Variants in NAPB observed in about 807,000 individuals in gnomAD.
NAPB encodes beta-soluble NSF attachment protein.
Under a neutral mutation model 44.7 loss-of-function variants are expected in NAPB, and 26 were observed. The ratio of observed to expected loss-of-function variants is 0.58; its 90% confidence interval spans 0.43 to 0.81. The LOEUF is 0.81. NAPB is among the 30% of genes least tolerant of loss of function. The pLI, the probability that NAPB is intolerant of heterozygous loss-of-function variation, is 0.00. For synonymous variants in NAPB, 120 were observed against 116.8 expected (o/e 1.03, Z -0.18); for missense variants, 315 against 356.4 (o/e 0.88, Z 0.94).
chr20:23,402,504 C>G (rs895624340), intron 2 of NAPB, among the ~76,000 whole-genome samples: 2 of 152,118 alleles, frequency 1.3e-5, no homozygotes, highest in East Asian at 3.9e-4. Flanking sequence ...TCCCCCTCCC[C>G]CCAAACCCCA....
At chr20:23,380,988 T>G in intron 8 of NAPB, 1 of 456,720 alleles carries the variant, frequency 2.2e-6, no homozygotes, top group Non-Finnish European at 4.0e-6. Context: ...AGATTGGGTG[T>G]GTTCAGGGTG....
chr20:23,412,030 C>A (rs530978216), intron 1 of NAPB, among the ~76,000 whole-genome samples: 1 of 152,118 alleles, frequency 6.6e-6, no homozygotes, highest in African/African-American at 2.4e-5. Flanking sequence ...GTATACCAAA[C>A]AAATCAAGCA....
chr20:23,398,513 C>CCA (rs888576985), intron 2 of NAPB, among the ~76,000 whole-genome samples: 20 of 152,016 alleles, frequency 1.3e-4, no homozygotes, highest in African/African-American at 2.9e-4. Context: ...GCATGTGCCA[C>CCA]CACACCTGGC....
chr20:23,401,287 C>G (rs902637328), intron 2 of NAPB, among the ~76,000 whole-genome samples: 2 of 152,170 alleles, frequency 1.3e-5, no homozygotes, highest in Non-Finnish European at 2.9e-5. Flanking sequence ...CACATTTATG[C>G]CTAGTGTTCC....
Position 23,379,473 on chromosome 20 carries a change from T to C in NAPB, c.758A>G (p.Glu253Gly). 1 of 1,609,960 alleles carries C rather than the reference T, an allele frequency of 6.2e-7. No individual in the cohort carries two copies. The highest frequency in any genetic ancestry group is 8.5e-7 in the Non-Finnish European group (1 of 1,178,812). ...TTCAGTGTAAGCTTCACTGTTCTGTTCTTCATGAGCTTCTAGGAGTTTCTG... is the reference window on the plus strand; with the variant it reads ...TTCAGTGTAAGCTTCACTGTTCTGTCCTTCATGAGCTTCTAGGAGTTTCTG... Reference protein sequence around the residue: ...LLKKLLEAHEEQNSEAYTEAV... With the variant: ...LLKKLLEAHEGQNSEAYTEAV... Residue 253 changes from glutamate (E) to glycine (G), a missense_variant, in exon 10 of 11, where the codon GAA (glutamate) becomes GGA (glycine). Physicochemically the swap from Glu to Gly is moderately conservative, Grantham distance 98. Transcript: ENST00000377026.
chr20:23,398,411 C>G (rs866492245), intron 2 of NAPB, among the ~76,000 whole-genome samples: 13 of 152,110 alleles, frequency 8.5e-5, no homozygotes, highest in South Asian at 4.1e-4. Flanking sequence ...AATCTGTCAC[C>G]CAGGCTGCAG....
intron 7 of NAPB, among the ~76,000 whole-genome samples, chr20:23,384,101 T>C (rs1379929768): frequency 6.6e-6 from 1 of 152,240 alleles, no homozygotes; most frequent in Non-Finnish European, 1.5e-5. Flanking sequence ...GAAAATACAG[T>C]ATTCTTAGGA....
intron 5 of NAPB, among the ~76,000 whole-genome samples, chr20:23,390,850 G>A (rs1164381143): frequency 6.6e-6 from 1 of 152,118 alleles, no homozygotes. Flanking sequence ...TTGCAGCACA[G>A]ACTACACACA....
rs1982532002 is a variant in NAPB, at chr20:23,376,525, C to T, written c.*851G>A. On this transcript the variant is annotated 3_prime_UTR_variant, in exon 11 of 11. Coordinates refer to ENST00000377026, the MANE Select transcript of NAPB (RefSeq NM_022080.3). ...AGTCACAGCACAGAACACACCACCTCAACGTGGGAAAGTGTATAAACATGA... is the reference window on the plus strand; with the variant it reads ...AGTCACAGCACAGAACACACCACCTTAACGTGGGAAAGTGTATAAACATGA... The T allele has an allele frequency of 6.6e-6, 1 of 152,218 alleles. No homozygotes were observed. Among genetic ancestry groups the T allele is most frequent in the South Asian group, 2.1e-4 (1 of 4,836 alleles). 9.4% of individuals were successfully genotyped at this position (152,218 alleles called of 1,614,324 possible). A position where few individuals can be genotyped will look rare whatever the true frequency, so the allele number is the denominator to read the frequency against.
chr20:23,380,170 G>C (rs1029265017), intron 8 of NAPB, among the ~76,000 whole-genome samples: 1 of 152,232 alleles, frequency 6.6e-6, no homozygotes, highest in African/African-American at 2.4e-5. Context: ...AGAAGACATT[G>C]TAAATGAAAA....
chr20:23,411,567 G>C (rs1250201118), intron 1 of NAPB, among the ~76,000 whole-genome samples: 3 of 151,796 alleles, frequency 2.0e-5, no homozygotes, highest in African/African-American at 4.8e-5. Flanking sequence ...GTAGATCTAA[G>C]ACAAAATGTA....
rs1986416135 is a variant in NAPB, at chr20:23,421,308, A to G, written c.95T>C (p.Phe32Ser). Residue 32 changes from phenylalanine to serine, a missense_variant, in exon 1 of 11, where the codon TTT (phenylalanine) becomes TCT (serine). Around this residue, in one of 3 missense-constraint regions of NAPB, gnomAD observed 179 missense variants for 182.5 expected, o/e 0.98. Coordinates refer to ENST00000377026, the MANE Select transcript of NAPB (RefSeq NM_022080.3). ...GCACGCACGGTCTGGCGCTCACCCA[A>G]ACAGCCCTCGGAGGAAGGAGTGGGA... ...KASHSFLRGL[F>S]GGNTRIEEAC... is the part of the protein sequence containing the mutation. The G allele has an allele frequency of 1.3e-6, 2 of 1,558,142 alleles. No individual in the cohort carries two copies. The highest frequency in any genetic ancestry group is 1.4e-5 in the African/African-American group (1 of 72,988).
intron 7 of NAPB, among the ~76,000 whole-genome samples, chr20:23,386,498 A>G (rs575472718): frequency 6.6e-6 from 1 of 152,332 alleles, no homozygotes; most frequent in South Asian, 2.1e-4. Flanking sequence ...AAGAAAACTA[A>G]CGATCAATAT....
chr20:23,403,022 T>C lies in NAPB; in HGVS notation c.149A>G (p.Asn50Ser). The C allele has an allele frequency of 6.2e-7, 1 of 1,613,926 alleles. No homozygotes were observed. The highest frequency in any genetic ancestry group is 8.5e-7 in the Non-Finnish European group (1 of 1,179,932). ...EACEMYTRAA[N>S]MFKMAKNWSA... ...CCAATTTTTAGCCATCTTGAACATATTTGCAGCTCTGGTATACATTTCACA... is the reference window on the plus strand; with the variant it reads ...CCAATTTTTAGCCATCTTGAACATACTTGCAGCTCTGGTATACATTTCACA... The change falls in exon 2 of 11, where the codon AAT (asparagine) becomes AGT (serine). Residue 50 changes from asparagine (N) to serine (S), a missense_variant. Coordinates refer to ENST00000377026, the MANE Select transcript of NAPB (RefSeq NM_022080.3).
chr20:23,421,165 G>A (rs1467076797), intron 1 of NAPB, 140 bp downstream of exon 1: 18 of 631,696 alleles, frequency 2.8e-5, no homozygotes, highest in Non-Finnish European at 3.9e-5. Context: ...ATTTCTGGAG[G>A]GCGCCTGCAG....
At chr20:23,389,853 G>C (rs1378220658) in intron 7 of NAPB, 93 bp downstream of exon 7, 2 of 1,083,314 alleles carry the variant, frequency 1.8e-6, no homozygotes, top group Non-Finnish European at 1.4e-6. Flanking sequence ...TACGTGATGT[G>C]TGGATTATAT....
At chr20:23,401,127 G>A (rs6083117) in intron 2 of NAPB, among the ~76,000 whole-genome samples, 5,483 of 152,170 alleles carry the variant, frequency 0.036, 162 homozygotes, top group South Asian at 0.085. Context: ...GGAAAGAGTA[G>A]GGAGACAGAG....
intron 1 of NAPB, among the ~76,000 whole-genome samples, chr20:23,420,147 A>G (rs1305803032): frequency 6.6e-6 from 1 of 152,204 alleles, no homozygotes; most frequent in African/African-American, 2.4e-5. Context: ...TAAACAGCTG[A>G]ATCATTCACA....
chr20:23,415,946 A>G (rs1240183337), intron 1 of NAPB, among the ~76,000 whole-genome samples: 2 of 152,252 alleles, frequency 1.3e-5, no homozygotes, highest in Non-Finnish European at 2.9e-5. Flanking sequence ...AGCCTAGGCA[A>G]CAGAGTGAGA....
Sources: gnomAD v4.1 joint callset for allele counts (sites outside exome capture counted in the v4.1 genomes callset) on GRCh38, gnomAD v4.1.1 for gene constraint, gnomAD v4.1.1 regional missense constraint, MANE v1.5 for transcripts, NCBI Gene and HGNC (gene_info 2026-07-23, HGNC 2026-07-21) for gene names.